MIGA1: variants seen among roughly 807,000 people sequenced by gnomAD.
The protein encoded by MIGA1 is family with sequence similarity 73, member A.
A neutral mutation model predicts 82.0 loss-of-function variants in MIGA1; 58 were observed. The observed-to-expected ratio is 0.71, with a 90% CI of 0.57 to 0.88. The LOEUF (loss-of-function observed/expected upper bound fraction) is 0.88. Among genes scored for constraint, MIGA1 ranks in the 40% least tolerant of loss-of-function variants. MIGA1 has a pLI of 0.00. For synonymous variants in MIGA1, 249 were observed against 253.6 expected (o/e 0.98, Z 0.17); for missense variants, 751 against 749.1 (o/e 1.00, Z -0.03).
chr1:77,831,091 C>T (rs1376574018), intron 7 of MIGA1, among the ~76,000 whole-genome samples: 2 of 152,222 alleles, frequency 1.3e-5, no homozygotes, highest in East Asian at 3.8e-4. Flanking sequence ...TCCATTTCTT[C>T]CCATACCTCA....
At chr1:77,860,531 A>G (rs1685422086) in intron 11 of MIGA1, 1 of 158,100 alleles carries the variant, frequency 6.3e-6, no homozygotes, top group African/African-American at 2.4e-5. Flanking sequence ...GGCAGAAGCA[A>G]TGACAAGAAC....
rs1682962075 is a variant in MIGA1, at chr1:77,803,308, T to C, written c.412T>C (p.Ser138Pro). 1.3e-6 allele frequency: 2 copies of C among 1,549,366 alleles called. No individual in the cohort carries two copies. Among genetic ancestry groups the C allele is most frequent in the Middle Eastern group, 3.5e-4 (2 of 5,736 alleles). Residue 138 changes from serine (S) to proline (P), a missense_variant, in exon 4 of 16, where the codon TCT becomes CCT. By Grantham distance (74) the Ser-to-Pro change is moderately conservative. This residue lies in a region of MIGA1 where 482 missense variants were observed against 439.4 expected (regional missense o/e 1.10). Coordinates refer to ENST00000370791, the MANE Select transcript of MIGA1 (RefSeq NM_198549.4). ...CAGTAGCAGACAGAATTTGACATTATCTTTAAGTTCTACCAAAGACAAAGG... is the reference window on the plus strand; with the variant it reads ...CAGTAGCAGACAGAATTTGACATTACCTTTAAGTTCTACCAAAGACAAAGG...
intron 8 of MIGA1, among the ~76,000 whole-genome samples, chr1:77,856,366 C>T (rs762622729): frequency 2.0e-5 from 3 of 152,082 alleles, no homozygotes; most frequent in Admixed American, 6.5e-5. Context: ...TTTTTGGTTA[C>T]GTCCTTTCCT....
At chr1:77,848,486 G>A in intron 8 of MIGA1, 1 of 1,064,058 alleles carries the variant, frequency 9.4e-7, no homozygotes, top group Non-Finnish European at 1.4e-6. Flanking sequence ...GAAATCTTCA[G>A]AAAGGAAAGC....
At chr1:77,874,522 A>G (rs1242854381) in intron 15 of MIGA1, among the ~76,000 whole-genome samples, 1 of 152,168 alleles carries the variant, frequency 6.6e-6, no homozygotes, top group African/African-American at 2.4e-5. Context: ...TAGAGTTTAC[A>G]GGCACTTCTT....
intron 5 of MIGA1, chr1:77,811,045 T>C (rs916114474): frequency 3.1e-6 from 5 of 1,613,518 alleles, no homozygotes; most frequent in Non-Finnish European, 4.2e-6. Context: ...TTTAGGCTTG[T>C]AGGGTTTGAA....
chr1:77,851,957 A>G (rs955911117), intron 8 of MIGA1, among the ~76,000 whole-genome samples: 1 of 149,360 alleles, frequency 6.7e-6, no homozygotes, highest in African/African-American at 2.5e-5. Context: ...GCTCACTGCA[A>G]CCTTGCAACC....
intron 7 of MIGA1, among the ~76,000 whole-genome samples, chr1:77,837,025 A>G (rs979109742): frequency 6.6e-6 from 1 of 152,176 alleles, no homozygotes; most frequent in Non-Finnish European, 1.5e-5. Flanking sequence ...TGGACACGTA[A>G]TAGTGACTCA....
At chr1:77,835,350 G>A (rs188182944) in intron 7 of MIGA1, among the ~76,000 whole-genome samples, 11 of 152,240 alleles carry the variant, frequency 7.2e-5, no homozygotes, top group Admixed American at 2.6e-4. Flanking sequence ...GAATATCATC[G>A]TTGATATCTG....
intron 7 of MIGA1, among the ~76,000 whole-genome samples, chr1:77,824,029 C>T (rs1031862767): frequency 1.3e-5 from 2 of 151,978 alleles, no homozygotes; most frequent in African/African-American, 2.4e-5. Flanking sequence ...TTTTCTATTC[C>T]GTAACATTGC....
In MIGA1 at chr1:77,783,004, C is replaced by T. The variant is rs200717428; in HGVS notation, c.82-234C>T. 7 of 281,670 alleles carry T rather than the reference C, an allele frequency of 2.5e-5. No individual in the cohort carries two copies. In the East Asian group the frequency reaches 9.0e-4, roughly 36 times the overall value. 17.4% of individuals were successfully genotyped at this position (281,670 alleles called of 1,614,324 possible). ...ACCCGGACTCAAAGTTTAAATCTAG[C>T]TTTTTTTTTTTTTTAACTTCTTATT... is the stretch of plus-strand genomic sequence containing the variant. On this transcript the variant is annotated intron_variant, in intron 1 of 15. Coordinates refer to ENST00000370791, the MANE Select transcript of MIGA1 (RefSeq NM_198549.4).
At chr1:77,863,062 T>A (rs1391367552) in intron 12 of MIGA1, among the ~76,000 whole-genome samples, 1 of 152,188 alleles carries the variant, frequency 6.6e-6, no homozygotes, top group African/African-American at 2.4e-5. Flanking sequence ...TGTTCCCTTA[T>A]TCAGGAAATG....
chr1:77,813,610 G>A (rs897360660), intron 5 of MIGA1, 124 bp from the exon 6 acceptor site: 58 of 1,018,236 alleles, frequency 5.7e-5, no homozygotes, highest in Non-Finnish European at 7.9e-5. Context: ...AATGATGTAT[G>A]ATTCTTTAGT....
At chr1:77,785,089 T>C (rs1387217470) in intron 2 of MIGA1, among the ~76,000 whole-genome samples, 6 of 152,178 alleles carry the variant, frequency 3.9e-5, no homozygotes, top group Admixed American at 3.9e-4. Flanking sequence ...GAAGCAATCA[T>C]GCCTTCCCAA....
chr1:77,792,812 G>A (rs557602381), intron 2 of MIGA1, among the ~76,000 whole-genome samples: 118 of 145,428 alleles, frequency 8.1e-4, no homozygotes, highest in Non-Finnish European at 1.6e-3. Context: ...TTTTGAGATG[G>A]AGTCTCACCC....
chr1:77,802,886 G>A (rs544429582), intron 3 of MIGA1, among the ~76,000 whole-genome samples: 197 of 152,106 alleles, frequency 1.3e-3, no homozygotes, highest in Non-Finnish European at 2.1e-3. Flanking sequence ...ATGAGATTTG[G>A]GTAAGGTTTA....
intron 5 of MIGA1, chr1:77,811,502 G>C: frequency 6.4e-7 from 1 of 1,562,100 alleles, no homozygotes; most frequent in South Asian, 1.1e-5. Flanking sequence ...ATTGGTTCTA[G>C]CTTCTTCAGG....
At chr1:77,797,649 A>G (rs532404483) in intron 2 of MIGA1, among the ~76,000 whole-genome samples, 1 of 152,180 alleles carries the variant, frequency 6.6e-6, no homozygotes, top group East Asian at 1.9e-4. Context: ...TTTGTGTTTC[A>G]TTGTTACCTA....
Position 77,873,140 on chromosome 1 carries a change from C to A in MIGA1, c.1680+20C>A. On this transcript the variant is annotated intron_variant, in intron 15 of 15. Coordinates refer to ENST00000370791, the MANE Select transcript of MIGA1 (RefSeq NM_198549.4). ...TTTAAGGTATGTTCAGTCATTGAAT[C>A]ATTTCTCTTTTTTTTCTAAATCAAA... is the stretch of plus-strand genomic sequence containing the variant. 1 of 1,593,464 alleles carries A rather than the reference C, an allele frequency of 6.3e-7. No homozygotes were observed.
Sources: gnomAD v4.1 joint callset for allele counts (sites outside exome capture counted in the v4.1 genomes callset) on GRCh38, gnomAD v4.1.1 for gene constraint, gnomAD v4.1.1 regional missense constraint, MANE v1.5 for transcripts, NCBI Gene and HGNC (gene_info 2026-07-23, HGNC 2026-07-21) for gene names.